Variants in INVS observed in about 807,000 individuals in gnomAD.
The protein encoded by INVS is inversion of embryo turning homolog.
INVS carries 86 observed loss-of-function variants against 108.8 expected under a neutral mutation model. The ratio of observed to expected loss-of-function variants is 0.79; its 90% CI spans 0.66 to 0.95. The LOEUF is 0.95. Ranked by LOEUF, INVS falls within the 40% of genes least tolerant of loss-of-function variation. The pLI is 0.00. For synonymous variants in INVS, 455 were observed against 473.5 expected (o/e 0.96, Z 0.51); for missense variants, 1,169 against 1,297.4 (o/e 0.90, Z 1.52).
intron 4 of INVS, among the ~76,000 whole-genome samples, chr9:100,227,095 G>C (rs1831352108): frequency 6.6e-6 from 1 of 152,160 alleles, no homozygotes; most frequent in African/African-American, 2.4e-5. Context: ...TAGGATTACT[G>C]TTAGGTTCAG....
intron 3 of INVS, among the ~76,000 whole-genome samples, chr9:100,210,004 T>G (rs1211504208): frequency 3.3e-5 from 5 of 152,120 alleles, no homozygotes; most frequent in African/African-American, 1.2e-4. Context: ...ACATTCAGCT[T>G]CCTTCCTACT....
chr9:100,235,416 T>C (rs558638839), intron 5 of INVS, among the ~76,000 whole-genome samples: 251 of 152,354 alleles, frequency 1.6e-3, no homozygotes, highest in African/African-American at 5.7e-3. Flanking sequence ...ATCATGATGC[T>C]AGCTGGTTAT....
chr9:100,248,519 TG>T (rs1343518640), intron 8 of INVS, among the ~76,000 whole-genome samples: 1 of 152,012 alleles, frequency 6.6e-6, no homozygotes, highest in African/African-American at 2.4e-5. Flanking sequence ...CCAATAGCAA[TG>T]TATGGACATT....
intron 3 of INVS, chr9:100,176,168 C>T: frequency 2.6e-6 from 1 of 384,800 alleles, no homozygotes; most frequent in Non-Finnish European, 5.0e-6. Context: ...ACATGTTCTG[C>T]CTTCATATCT....
intron 3 of INVS, among the ~76,000 whole-genome samples, chr9:100,153,015 G>GTC (rs1395124516): frequency 3.3e-5 from 5 of 151,854 alleles, no homozygotes; most frequent in African/African-American, 1.2e-4. Context: ...TTGTGTGTGT[G>GTC]TGTGTGTGTG....
intron 3 of INVS, among the ~76,000 whole-genome samples, chr9:100,183,396 C>T (rs1829955074): frequency 6.6e-6 from 1 of 152,138 alleles, no homozygotes; most frequent in Non-Finnish European, 1.5e-5. Context: ...AAAGGAAAAA[C>T]TGTCAATCTA....
chr9:100,100,810 TA>T lies in INVS; in HGVS notation c.-25+1396del, dbSNP rs1564111858. ...ATTATATATATAATATATGTATATA[TA>T]ATATATATAATATATGTATATATAA... is the stretch of plus-strand genomic sequence containing the variant. On this transcript the variant is annotated intron_variant, in intron 1 of 16. Transcript: ENST00000262457. Among the ~76,000 whole-genome samples, 119 of 23,938 alleles carry T rather than the reference TA, an allele frequency of 5.0e-3. 15 individuals are homozygous for T. Among genetic ancestry groups the T allele is most frequent in the Non-Finnish European group, 7.9e-3 (106 of 13,362 alleles). The allele number at this position is 23,938 out of a possible 152,430, so 15.7% of individuals were successfully genotyped here. A position where few individuals can be genotyped will look rare whatever the true frequency, so the allele number is the denominator to read the frequency against.
At chr9:100,281,977 G>A (rs112575115) in intron 12 of INVS, among the ~76,000 whole-genome samples, 147 of 152,256 alleles carry the variant, frequency 9.7e-4, no homozygotes, top group African/African-American at 3.3e-3. Flanking sequence ...AAATAACAAA[G>A]TCTAATTTAT....
At chr9:100,240,014 T>C (rs1244114193) in intron 5 of INVS, 46 bp from the exon 6 acceptor site, 3 of 1,494,402 alleles carry the variant, frequency 2.0e-6, no homozygotes, top group Non-Finnish European at 1.9e-6. Flanking sequence ...ATGTAATTTA[T>C]TGAGGATTCC....
chr9:100,277,474 G>A (rs1470949589), intron 12 of INVS, among the ~76,000 whole-genome samples: 1 of 152,140 alleles, frequency 6.6e-6, no homozygotes, highest in Non-Finnish European at 1.5e-5. Flanking sequence ...CAGTAAAATG[G>A]AAAGAGGTTT....
At position 100,253,136 on chromosome 9, in the gene INVS, G is replaced by A; in HGVS notation, c.1464G>A (p.Glu488=). The part of the protein sequence containing the change: ...NNADPNIQDK[E]GRTALHWSCN... ...CAGACCCTAACATTCAAGACAAAGA[G>A]GTAGAAATTCTGTCTTTTCTATATT... Residue 488 remains glutamate, a splice_region_variant and synonymous_variant, in exon 10 of 17, where the codon GAG becomes GAA. Coordinates refer to ENST00000262457, the MANE Select transcript of INVS (RefSeq NM_014425.5). The A allele has an allele frequency of 1.9e-6, 3 of 1,607,130 alleles. No homozygotes were observed. Among genetic ancestry groups the A allele is most frequent in the South Asian group, 2.2e-5 (2 of 90,950 alleles).
At chr9:100,183,037 C>T (rs1413989947) in intron 3 of INVS, among the ~76,000 whole-genome samples, 1 of 152,108 alleles carries the variant, frequency 6.6e-6, no homozygotes, top group Non-Finnish European at 1.5e-5. Context: ...GAAAACCAAA[C>T]ACCGCATGTT....
At chr9:100,242,498 T>C in intron 6 of INVS, 72 bp from the exon 7 acceptor site, 1 of 901,854 alleles carries the variant, frequency 1.1e-6, no homozygotes, top group East Asian at 2.6e-5. Context: ...TCTTATCTTT[T>C]TCATTTAAAT....
intron 4 of INVS, among the ~76,000 whole-genome samples, chr9:100,229,352 C>CG (rs1831435632): frequency 6.6e-6 from 1 of 151,856 alleles, no homozygotes; most frequent in South Asian, 2.1e-4. Flanking sequence ...GGAATGTCTA[C>CG]GGTGGGGATA....
intron 5 of INVS, among the ~76,000 whole-genome samples, chr9:100,236,288 G>T (rs896709993): frequency 8.5e-5 from 13 of 152,258 alleles, no homozygotes; most frequent in African/African-American, 3.1e-4. Context: ...TAGCTTCCTT[G>T]CATTGGGTTA....
chr9:100,108,729 T>C (rs554813548), intron 2 of INVS, among the ~76,000 whole-genome samples: 1 of 152,298 alleles, frequency 6.6e-6, no homozygotes, highest in South Asian at 2.1e-4. Context: ...AGTATGTCAG[T>C]GATGTGTTTG....
chr9:100,179,494 TAGTCTCTGATAAAAC>T (rs1366820561), intron 3 of INVS, among the ~76,000 whole-genome samples: 1 of 149,768 alleles, frequency 6.7e-6, no homozygotes, highest in East Asian at 1.9e-4. Flanking sequence ...GTTGCAATCC[TAGTCTCTGATAAAAC>T]AGACTTTAAA....
intron 3 of INVS, among the ~76,000 whole-genome samples, chr9:100,149,029 G>A (rs567533941): frequency 1.3e-5 from 2 of 148,360 alleles, no homozygotes; most frequent in Non-Finnish European, 3.0e-5. Context: ...TGTTATATAG[G>A]TAAGACATGT....
chr9:100,281,008 G>A (rs1159669482), intron 12 of INVS, among the ~76,000 whole-genome samples: 2 of 152,160 alleles, frequency 1.3e-5, no homozygotes, highest in East Asian at 1.9e-4. Context: ...CTAGGTGACA[G>A]AGTGAGACCC....
Sources: gnomAD v4.1 joint callset for allele counts (sites outside exome capture counted in the v4.1 genomes callset) on GRCh38, gnomAD v4.1.1 for gene constraint, MANE v1.5 for transcripts, NCBI Gene and HGNC (gene_info 2026-07-23, HGNC 2026-07-21) for gene names.